Variants in PRKD1 observed in about 807,000 individuals in gnomAD.
PRKD1 encodes protein kinase D1.
A neutral mutation model predicts 95.9 loss-of-function variants in PRKD1; 63 were observed. The ratio of observed to expected loss-of-function variants is 0.66; its 90% CI spans 0.54 to 0.81. The LOEUF is 0.81. Ranked by LOEUF, PRKD1 falls within the 30% of genes least tolerant of loss-of-function variation. PRKD1 has a pLI of 0.00. For synonymous variants in PRKD1, 425 were observed against 423.1 expected (o/e 1.00, Z -0.05); for missense variants, 1,048 against 1,165.3 (o/e 0.90, Z 1.47).
Position 29,663,721 on chromosome 14 carries a change from C to G in PRKD1, c.674G>C (p.Ser225Thr). The G allele has an allele frequency of 6.2e-7, 1 of 1,613,906 alleles. No homozygotes were observed. Among genetic ancestry groups the G allele is most frequent in the Non-Finnish European group, 8.5e-7 (1 of 1,179,924 alleles). ...TACCAGAAGGGGCTCATCAGGGGCA[C>G]TTGTAGAGAGTTCAGCAGATGATGT... ...IRTSSAELST[S>T]APDEPLLQKS... Residue 225 changes from serine (S) to threonine (T), a missense_variant, in exon 4 of 18, where the codon AGT becomes ACT. By Grantham distance (58) the Ser-to-Thr change is moderately conservative (BLOSUM62 1). Coordinates refer to ENST00000331968, the MANE Select transcript of PRKD1 (RefSeq NM_002742.3).
chr14:29,831,524 A>C (rs1313834267), intron 1 of PRKD1, among the ~76,000 whole-genome samples: 1 of 148,632 alleles, frequency 6.7e-6, no homozygotes, highest in Non-Finnish European at 1.5e-5. Context: ...GCTGGAGTGC[A>C]ATGGCCCAAT....
Position 29,725,566 on chromosome 14 carries a change from C to T in PRKD1, c.373G>A (p.Glu125Lys). The change falls in exon 2 of 18, where the codon GAA (glutamate) becomes AAA (lysine). Residue 125 changes from glutamate (E) to lysine (K), a missense_variant. Around this residue, in one of 3 missense-constraint regions of PRKD1, gnomAD observed 275 missense variants for 248.6 expected, o/e 1.11. Coordinates refer to ENST00000331968, the MANE Select transcript of PRKD1 (RefSeq NM_002742.3). ...QLVKAASDIQ[E>K]GDLIEVVLSA... ...AAGACCACTTCAATAAGATCGCCTTCCTGGATATCACTGGCCGCTTTCACC... is the reference window on the plus strand; with the variant it reads ...AAGACCACTTCAATAAGATCGCCTTTCTGGATATCACTGGCCGCTTTCACC... 1 of 1,613,754 alleles carries T rather than the reference C, an allele frequency of 6.2e-7. No individual in the cohort carries two copies. Among genetic ancestry groups the T allele is most frequent in the Non-Finnish European group, 8.5e-7 (1 of 1,179,758 alleles).
chr14:29,649,365 C>T (rs1380388278), intron 4 of PRKD1, among the ~76,000 whole-genome samples: 1 of 151,266 alleles, frequency 6.6e-6, no homozygotes, highest in African/African-American at 2.4e-5. Flanking sequence ...CTGTGGCTTT[C>T]CTTTTGTCTC....
intron 1 of PRKD1, among the ~76,000 whole-genome samples, chr14:29,858,298 T>C (rs1435990382): frequency 6.6e-6 from 1 of 152,156 alleles, no homozygotes; most frequent in Non-Finnish European, 1.5e-5. Context: ...TCTATGAGGG[T>C]ACAAACTGGT....
At chr14:29,865,913 A>T (rs17096102) in intron 1 of PRKD1, among the ~76,000 whole-genome samples, 2,356 of 152,268 alleles carry the variant, frequency 0.015, 40 homozygotes, top group South Asian at 0.089. Context: ...ACTTCCATAC[A>T]TCTGGGATAC....
At chr14:29,687,259 A>T (rs554693970) in intron 2 of PRKD1, among the ~76,000 whole-genome samples, 1 of 152,356 alleles carries the variant, frequency 6.6e-6, no homozygotes, top group South Asian at 2.1e-4. Flanking sequence ...ATGATGATGT[A>T]TGAGGAAAAG....
At chr14:29,633,806 G>A (rs1340689336) in intron 8 of PRKD1, among the ~76,000 whole-genome samples, 2 of 152,154 alleles carry the variant, frequency 1.3e-5, no homozygotes, top group Non-Finnish European at 2.9e-5. Context: ...GATCAATTAG[G>A]TTATAGGTGT....
chr14:29,733,036 G>A (rs1345936792), intron 1 of PRKD1, among the ~76,000 whole-genome samples: 2 of 140,326 alleles, frequency 1.4e-5, no homozygotes, highest in African/African-American at 5.2e-5. Context: ...GGTTCAGTTT[G>A]GATAATTTCC....
chr14:29,777,109 C>A (rs980489641), intron 1 of PRKD1, among the ~76,000 whole-genome samples: 1 of 152,124 alleles, frequency 6.6e-6, no homozygotes, highest in East Asian at 1.9e-4. Flanking sequence ...GATTTTGTCA[C>A]CACCAGGCCT....
intron 1 of PRKD1, among the ~76,000 whole-genome samples, chr14:29,916,737 T>A (rs768918844): frequency 1.3e-5 from 2 of 152,180 alleles, no homozygotes; most frequent in Non-Finnish European, 2.9e-5. Flanking sequence ...CACAGAACTA[T>A]ATAGATGTCT....
At chr14:29,720,552 C>T (rs1018344293) in intron 2 of PRKD1, among the ~76,000 whole-genome samples, 1 of 152,150 alleles carries the variant, frequency 6.6e-6, no homozygotes, top group Non-Finnish European at 1.5e-5. Context: ...GAGGCCGAGA[C>T]AGGCGGATCA....
intron 1 of PRKD1, among the ~76,000 whole-genome samples, chr14:29,883,946 C>A (rs568421626): frequency 1.3e-5 from 2 of 152,246 alleles, no homozygotes; most frequent in Non-Finnish European, 2.9e-5. Context: ...TTTTAACCTC[C>A]CCATATGGTT....
intron 1 of PRKD1, among the ~76,000 whole-genome samples, chr14:29,892,152 A>G (rs978122733): frequency 2.2e-4 from 34 of 152,332 alleles, no homozygotes; most frequent in African/African-American, 2.6e-4. Flanking sequence ...TCCTACAAAC[A>G]GTTCTTCAAC....
chr14:29,647,083 A>C (rs1345276577), intron 4 of PRKD1, among the ~76,000 whole-genome samples: 1 of 145,476 alleles, frequency 6.9e-6, no homozygotes, highest in Non-Finnish European at 1.5e-5. Context: ...CAGGGCAAGC[A>C]AAAAAAAAAT....
intron 13 of PRKD1, among the ~76,000 whole-genome samples, chr14:29,610,788 C>T (rs1224031240): frequency 6.6e-6 from 1 of 152,170 alleles, no homozygotes; most frequent in Non-Finnish European, 1.5e-5. Flanking sequence ...AATGAACAAA[C>T]TGTGGTACAT....
In PRKD1 at chr14:29,666,221, T is replaced by A; in HGVS notation, c.404-13A>T. On this transcript the variant is annotated splice_polypyrimidine_tract_variant and intron_variant, in intron 2 of 17. Coordinates refer to ENST00000331968, the MANE Select transcript of PRKD1 (RefSeq NM_002742.3). ...AAGGTGGCGGAAGCTGTAAAAATAG[T>A]GATGTTGAAAAGTAAGTTGAATAGG... The A allele has an allele frequency of 6.3e-7, 1 of 1,580,574 alleles. No individual in the cohort carries two copies. The highest frequency in any genetic ancestry group is 8.7e-7 in the Non-Finnish European group (1 of 1,156,016).
chr14:29,888,554 C>A (rs553997655), intron 1 of PRKD1, among the ~76,000 whole-genome samples: 81 of 152,242 alleles, frequency 5.3e-4, no homozygotes, highest in African/African-American at 1.9e-3. Flanking sequence ...GTCAAACCTA[C>A]ATGATATAAT....
At chr14:29,881,212 A>C (rs1893498697) in intron 1 of PRKD1, among the ~76,000 whole-genome samples, 1 of 152,102 alleles carries the variant, frequency 6.6e-6, no homozygotes, top group Non-Finnish European at 1.5e-5. Flanking sequence ...ACCCAGGGAG[A>C]GGTAATTGAA....
chr14:29,869,970 T>C (rs533451632), intron 1 of PRKD1, among the ~76,000 whole-genome samples: 1 of 152,142 alleles, frequency 6.6e-6, no homozygotes, highest in Non-Finnish European at 1.5e-5. Context: ...CTTTCTCCTT[T>C]CCTCATTCTT....
Sources: gnomAD v4.1 joint callset for allele counts (sites outside exome capture counted in the v4.1 genomes callset) on GRCh38, gnomAD v4.1.1 for gene constraint, gnomAD v4.1.1 regional missense constraint, MANE v1.5 for transcripts, NCBI Gene and HGNC (gene_info 2026-07-23, HGNC 2026-07-21) for gene names.